CDH8: variants seen among roughly 807,000 people sequenced by gnomAD.
CDH8 encodes cadherin 8.
CDH8 carries 17 observed loss-of-function variants against 68.1 expected under a neutral mutation model. That is an observed-to-expected ratio of 0.25 (90% CI 0.17 to 0.37). The LOEUF (loss-of-function observed/expected upper bound fraction) is 0.37. Ranked by LOEUF, CDH8 falls within the 10% of genes least tolerant of loss-of-function variation. The pLI is 1.00. For missense variants in CDH8, 763 were observed against 999.3 expected, an observed-to-expected ratio of 0.76 and a Z score of 3.19; for synonymous variants, 372 against 365.1, an observed-to-expected ratio of 1.02 and a Z score of -0.21.
chr16:61,739,335 C>T (rs1959794232), intron 8 of CDH8, among the ~76,000 whole-genome samples: 1 of 151,974 alleles, frequency 6.6e-6, no homozygotes, highest in Non-Finnish European at 1.5e-5. Context: ...AACATAGTGA[C>T]CCCAGTACAT....
chr16:61,889,222 T>C (rs751059729), intron 3 of CDH8, among the ~76,000 whole-genome samples: 1 of 152,132 alleles, frequency 6.6e-6, no homozygotes, highest in African/African-American at 2.4e-5. Context: ...TATACAAATA[T>C]ATATATACAT....
At chr16:61,955,608 C>A (rs1408455676) in intron 2 of CDH8, among the ~76,000 whole-genome samples, 1 of 152,012 alleles carries the variant, frequency 6.6e-6, no homozygotes, top group Non-Finnish European at 1.5e-5. Context: ...TTAATTTTTT[C>A]TTTCTTTTTT....
intron 8 of CDH8, among the ~76,000 whole-genome samples, chr16:61,731,691 G>A (rs1434446582): frequency 6.6e-6 from 1 of 151,626 alleles, no homozygotes; most frequent in Non-Finnish European, 1.5e-5. Context: ...TTGTATTATT[G>A]AAAATATCTA....
At chr16:61,910,885 A>G (rs982420225) in intron 2 of CDH8, among the ~76,000 whole-genome samples, 1 of 152,234 alleles carries the variant, frequency 6.6e-6, no homozygotes, top group Non-Finnish European at 1.5e-5. Flanking sequence ...AATTATCTGG[A>G]TACAATCTGA....
At chr16:61,803,464 C>T (rs1474388604) in intron 7 of CDH8, among the ~76,000 whole-genome samples, 2 of 147,578 alleles carry the variant, frequency 1.4e-5, no homozygotes, top group Non-Finnish European at 3.0e-5. Flanking sequence ...TCACACATAA[C>T]AATATTAACT....
In CDH8 at chr16:61,817,646, C is replaced by A. The variant is rs752027737; in HGVS notation, c.1110G>T (p.Gly370=). ...TGACTGTCGCCGTGTCTTTAAAGGGCCCCCTGCCACTGAAGCGTGGGTCAA... is the reference window on the plus strand; with the variant it reads ...TGACTGTCGCCGTGTCTTTAAAGGGACCCCTGCCACTGAAGCGTGGGTCAA... The part of the protein sequence containing the change: ...VHIDPRFSGR[G]PFKDTATVKI... The change falls in exon 7 of 12, where the codon GGG becomes GGT. Residue 370 remains glycine (G), a synonymous_variant. Transcript: ENST00000577390. 3.0e-5 allele frequency: 48 copies of A among 1,613,526 alleles called. No individual in the cohort carries two copies. Among genetic ancestry groups the A allele is most frequent in the Admixed American group, 5.0e-5 (3 of 59,942 alleles).
chr16:61,926,897 A>G (rs543903449), intron 2 of CDH8, among the ~76,000 whole-genome samples: 1 of 152,288 alleles, frequency 6.6e-6, no homozygotes, highest in Non-Finnish European at 1.5e-5. Context: ...ACTGCCATTG[A>G]ACTCTGCCAT....
At chr16:61,768,339 T>TCTCTCTCTCTCTCTCTCC (rs1960657505) in intron 8 of CDH8, among the ~76,000 whole-genome samples, 1 of 109,562 alleles carries the variant, frequency 9.1e-6, no homozygotes, top group Non-Finnish European at 1.9e-5. Context: ...TCTCTCTCTC[T>TCTCTCTCTCTCTCTCTCC]CTCTCTCTCT....
In CDH8 at chr16:61,919,104, C is replaced by T. The variant is rs529877793; in HGVS notation, c.253-17631G>A. On this transcript the variant is annotated intron_variant, in intron 2 of 11. Coordinates refer to ENST00000577390, the MANE Select transcript of CDH8 (RefSeq NM_001796.5). ...TTCCAACAGACCTGCAGCTGAGGGT[C>T]CTGTCTGTTAGAAGGAAAACTAACA... is the stretch of plus-strand genomic sequence containing the variant. Among the ~76,000 whole-genome samples, 448 of 145,816 alleles carry T rather than the reference C, an allele frequency of 3.1e-3. 27 individuals are homozygous for T. The highest frequency in any genetic ancestry group is 5.0e-3 in the South Asian group (22 of 4,406).
At position 61,669,543 on chromosome 16, in the gene CDH8, G is replaced by C. The variant is rs142917569; in HGVS notation, c.1655-13822C>G. Among the ~76,000 whole-genome samples, 603 of 152,066 alleles carry C rather than the reference G, an allele frequency of 4.0e-3. 6 individuals carry two copies. Among genetic ancestry groups the C allele is most frequent in the African/African-American group, 0.014 (578 of 41,514 alleles). ...TGATGAAGGAACAGATAGATAGTTC[G>C]GTAAGTGAGGAAAATGATTACGCAT... On this transcript the variant is annotated intron_variant, in intron 10 of 11. Transcript: ENST00000577390.
intron 2 of CDH8, among the ~76,000 whole-genome samples, chr16:61,995,317 CT>C (rs2150592424): frequency 6.6e-6 from 1 of 152,218 alleles, no homozygotes; most frequent in East Asian, 1.9e-4. Flanking sequence ...AAAAGATCAT[CT>C]AATTCTCAGA....
At chr16:61,707,259 C>T (rs1964551658) in intron 10 of CDH8, among the ~76,000 whole-genome samples, 1 of 152,132 alleles carries the variant, frequency 6.6e-6, no homozygotes. Flanking sequence ...TATTTATTAT[C>T]ACCAATTTGT....
chr16:61,752,702 T>C (rs1960201037), intron 8 of CDH8, among the ~76,000 whole-genome samples: 1 of 152,212 alleles, frequency 6.6e-6, no homozygotes, highest in African/African-American at 2.4e-5. Context: ...CATGCAAAAG[T>C]AGCCATGAAG....
intron 2 of CDH8, among the ~76,000 whole-genome samples, chr16:61,959,338 T>C (rs1244208436): frequency 6.6e-6 from 1 of 152,142 alleles, no homozygotes; most frequent in African/African-American, 2.4e-5. Context: ...GGTGTTTTCC[T>C]TTCTTCCACA....
chr16:61,794,652 G>A (rs182434988), intron 7 of CDH8, among the ~76,000 whole-genome samples: 1 of 152,070 alleles, frequency 6.6e-6, no homozygotes, highest in Admixed American at 6.6e-5. Context: ...TGTCCTGCGT[G>A]TACACAGGAA....
At chr16:61,715,311 A>G (rs1964708205) in intron 9 of CDH8, among the ~76,000 whole-genome samples, 1 of 151,614 alleles carries the variant, frequency 6.6e-6, no homozygotes, top group Non-Finnish European at 1.5e-5. Flanking sequence ...CATCAAGAGA[A>G]AGGACTCTGG....
intron 2 of CDH8, among the ~76,000 whole-genome samples, chr16:61,965,871 G>C (rs1228828304): frequency 6.6e-6 from 1 of 152,150 alleles, no homozygotes; most frequent in African/African-American, 2.4e-5. Context: ...CAGCTCTTTA[G>C]CATAACATGT....
At chr16:62,012,966 T>C (rs1317203168) in intron 2 of CDH8, among the ~76,000 whole-genome samples, 1 of 100,598 alleles carries the variant, frequency 9.9e-6, no homozygotes, top group Non-Finnish European at 2.2e-5. Flanking sequence ...TTAAATTAAC[T>C]ACTTAAGGCC....
chr16:61,851,055 C>G (rs1962927913), intron 4 of CDH8, among the ~76,000 whole-genome samples: 1 of 152,016 alleles, frequency 6.6e-6, no homozygotes, highest in Non-Finnish European at 1.5e-5. Flanking sequence ...CTTCACTAAG[C>G]AAGTTCTTTA....
Sources: gnomAD v4.1 joint callset for allele counts (sites outside exome capture counted in the v4.1 genomes callset) on GRCh38, gnomAD v4.1.1 for gene constraint, MANE v1.5 for transcripts, NCBI Gene and HGNC (gene_info 2026-07-23, HGNC 2026-07-21) for gene names.